Variants in WDR48 observed in about 807,000 individuals in gnomAD.
The protein encoded by WDR48 is WD repeat domain 48.
In WDR48, 22 loss-of-function variants were observed where a neutral mutation model predicts 94.0. That is an observed-to-expected ratio of 0.23 (90% confidence interval 0.17 to 0.33). The LOEUF is 0.33. WDR48 is among the 10% of genes least tolerant of loss of function. WDR48 has a pLI of 1.00. For synonymous variants in WDR48, 278 were observed against 280.5 expected, an observed-to-expected ratio of 0.99 and a Z score of 0.09; for missense variants, 541 against 813.8, an observed-to-expected ratio of 0.66 and a Z score of 4.08.
chr3:39,057,686 C>T (rs1339889880), intron 1 of WDR48, among the ~76,000 whole-genome samples: 2 of 151,964 alleles, frequency 1.3e-5, no homozygotes, highest in Non-Finnish European at 2.9e-5. Context: ...GCAGTGGCAC[C>T]GTCATGGCTC....
At chr3:39,082,085 G>T (rs2034565323) in intron 11 of WDR48, among the ~76,000 whole-genome samples, 1 of 152,116 alleles carries the variant, frequency 6.6e-6, no homozygotes, top group African/African-American at 2.4e-5. Flanking sequence ...CTCTAAAATG[G>T]TTTCTTCATT....
chr3:39,070,716 A>C (rs993511081), intron 7 of WDR48, among the ~76,000 whole-genome samples: 3 of 146,450 alleles, frequency 2.0e-5, no homozygotes, highest in African/African-American at 5.1e-5. Flanking sequence ...TAATACTTTA[A>C]GTTTTAGGGT....
At chr3:39,052,191 G>A (rs2032447394) in intron 1 of WDR48, 118 bp downstream of exon 1, 3 of 1,286,936 alleles carry the variant, frequency 2.3e-6, no homozygotes, top group Non-Finnish European at 3.2e-6. Flanking sequence ...GAACGGGGCG[G>A]GGCGCGGCCG....
At chr3:39,060,840 G>A (rs888075228) in intron 1 of WDR48, among the ~76,000 whole-genome samples, 5 of 152,154 alleles carry the variant, frequency 3.3e-5, no homozygotes, top group African/African-American at 4.8e-5. Context: ...AGTGGCATAT[G>A]CCTGTAATCC....
At chr3:39,053,108 A>G (rs532287341) in intron 1 of WDR48, among the ~76,000 whole-genome samples, 7 of 152,372 alleles carry the variant, frequency 4.6e-5, no homozygotes, top group African/African-American at 1.4e-4. Context: ...GCCTGCAGGT[A>G]TATTGTATGT....
At chr3:39,071,121 T>C (rs1264226608) in intron 7 of WDR48, among the ~76,000 whole-genome samples, 7 of 152,226 alleles carry the variant, frequency 4.6e-5, no homozygotes, top group Non-Finnish European at 7.3e-5. Context: ...TTTGCTATTG[T>C]GAATAGTGCC....
chr3:39,077,830 T>C (rs1303406404), intron 9 of WDR48, among the ~76,000 whole-genome samples: 3 of 152,258 alleles, frequency 2.0e-5, no homozygotes, highest in Admixed American at 2.0e-4. Flanking sequence ...GTATACTTAT[T>C]TTTTAAATGT....
At chr3:39,082,823 C>A (rs1166966005) in intron 11 of WDR48, among the ~76,000 whole-genome samples, 1 of 152,098 alleles carries the variant, frequency 6.6e-6, no homozygotes, top group African/African-American at 2.4e-5. Flanking sequence ...AAGAACTGGG[C>A]TGGAGAAAAA....
chr3:39,072,401 T>C (rs2033990799), intron 7 of WDR48, among the ~76,000 whole-genome samples: 1 of 152,202 alleles, frequency 6.6e-6, no homozygotes, highest in African/African-American at 2.4e-5. Flanking sequence ...AGTCTGCTGA[T>C]CCTAGCTTAT....
intron 1 of WDR48, among the ~76,000 whole-genome samples, chr3:39,059,288 A>C (rs2033109490): frequency 6.6e-6 from 1 of 152,146 alleles, no homozygotes; most frequent in South Asian, 2.1e-4. Flanking sequence ...GTGAATCTTC[A>C]TGACACTGGC....
At chr3:39,063,834 G>C (rs2125643445) in intron 2 of WDR48, among the ~76,000 whole-genome samples, 1 of 152,274 alleles carries the variant, frequency 6.6e-6, no homozygotes, top group South Asian at 2.1e-4. Context: ...TGTAGTCCCA[G>C]CTACTCGGGG....
At chr3:39,090,876 C>T (rs1453898008) in intron 16 of WDR48, 1 of 152,180 alleles carries the variant, frequency 6.6e-6, no homozygotes, top group Non-Finnish European at 1.5e-5. Flanking sequence ...GATGGATATT[C>T]CATGGTCTTC....
chr3:39,074,805 A>G lies in WDR48; in HGVS notation c.752A>G (p.His251Arg), dbSNP rs1392405583. The change falls in exon 8 of 19, where the codon CAT (histidine) becomes CGT (arginine). Residue 251 changes from histidine (H) to arginine (R), a missense_variant. Physicochemically the swap from His to Arg is conservative, Grantham distance 29. Transcript: ENST00000302313. ...QQRCIATYRV[H>R]DEGVWALQVN... ...AGATGTATAGCAACATACCGAGTCC[A>G]TGATGAAGGTGTTTGGGCGCTGCAA... 6 of 1,614,120 alleles carry G rather than the reference A, an allele frequency of 3.7e-6. No individual in the cohort carries two copies. The highest frequency in any genetic ancestry group is 3.3e-5 in the Admixed American group (2 of 60,010).
chr3:39,091,049 A>G (rs527464522), intron 16 of WDR48: 1 of 152,454 alleles, frequency 6.6e-6, no homozygotes, highest in East Asian at 1.9e-4. Context: ...AAAGATGACC[A>G]CGTAATTTTA....
intron 10 of WDR48, 74 bp downstream of exon 10, chr3:39,078,313 C>A: frequency 1.0e-6 from 1 of 1,002,130 alleles, no homozygotes; most frequent in Non-Finnish European, 1.5e-6. Flanking sequence ...AAAATCAAGA[C>A]AATGACCTTT....
chr3:39,082,481 C>T (rs1397867435), intron 11 of WDR48, among the ~76,000 whole-genome samples: 1 of 152,012 alleles, frequency 6.6e-6, no homozygotes, highest in Non-Finnish European at 1.5e-5. Flanking sequence ...AGCGTTTCTC[C>T]TTGTTGGCCA....
chr3:39,093,066 C>T (rs933164764), intron 17 of WDR48, among the ~76,000 whole-genome samples: 1 of 152,138 alleles, frequency 6.6e-6, no homozygotes, highest in Non-Finnish European at 1.5e-5. Flanking sequence ...TTGGGACATA[C>T]AGAGTTTGAG....
chr3:39,093,504 TGTATTTTAGTAGA>T (rs2035193672), intron 17 of WDR48, among the ~76,000 whole-genome samples: 2 of 152,154 alleles, frequency 1.3e-5, no homozygotes, highest in African/African-American at 4.8e-5. Context: ...GCTAATTTTT[TGTATTTTAGTAGA>T]GACGGGATTT....
chr3:39,063,979 T>C (rs1311192913), intron 2 of WDR48, among the ~76,000 whole-genome samples: 2 of 152,024 alleles, frequency 1.3e-5, no homozygotes, highest in African/African-American at 4.8e-5. Flanking sequence ...AATATAAAAT[T>C]GGTGTTAAAA....
Sources: gnomAD v4.1 joint callset for allele counts (sites outside exome capture counted in the v4.1 genomes callset) on GRCh38, gnomAD v4.1.1 for gene constraint, MANE v1.5 for transcripts, NCBI Gene and HGNC (gene_info 2026-07-23, HGNC 2026-07-21) for gene names.